Variants in CFAP45 observed in about 807,000 individuals in gnomAD.
CFAP45 encodes the protein cilia and flagella associated protein 45.
Under a neutral mutation model 75.6 loss-of-function variants are expected in CFAP45, and 43 were observed. The ratio of observed to expected loss-of-function variants is 0.57; its 90% confidence interval spans 0.45 to 0.73. The LOEUF (loss-of-function observed/expected upper bound fraction) is 0.73, where lower values mean the gene tolerates loss of function less well. Among genes scored for constraint, CFAP45 ranks in the 30% least tolerant of loss-of-function variants. CFAP45 has a pLI of 0.00. For synonymous variants in CFAP45, 223 were observed against 244.6 expected, an observed-to-expected ratio of 0.91 and a Z score of 0.82; for missense variants, 689 against 701.5, an observed-to-expected ratio of 0.98 and a Z score of 0.20.
intron 5 of CFAP45, among the ~76,000 whole-genome samples, chr1:159,886,943 A>T (rs114423553): frequency 0.036 from 5,539 of 152,300 alleles, 148 homozygotes; most frequent in Middle Eastern, 0.095. Context: ...AGGGAGCTAC[A>T]TCTTAGGGTT....
intron 2 of CFAP45, among the ~76,000 whole-genome samples, chr1:159,891,001 C>T (rs924323708): frequency 6.6e-6 from 1 of 152,104 alleles, no homozygotes; most frequent in Admixed American, 6.5e-5. Context: ...TCAGATGATC[C>T]GCCCGCCTGG....
chr1:159,891,793 T>C (rs1379653031), intron 2 of CFAP45, among the ~76,000 whole-genome samples: 4 of 152,110 alleles, frequency 2.6e-5, no homozygotes, highest in Non-Finnish European at 4.4e-5. Flanking sequence ...CTACTGCCCA[T>C]TGAGAGACTT....
chr1:159,873,528 T>C (rs1649328693), intron 10 of CFAP45: 1 of 273,462 alleles, frequency 3.7e-6, no homozygotes, highest in Admixed American at 4.9e-5. Flanking sequence ...TGGAATGCAG[T>C]GGTGCTATCA....
chr1:159,887,693 C>T (rs1428102776), intron 5 of CFAP45, 148 bp downstream of exon 5: 1 of 791,224 alleles, frequency 1.3e-6, no homozygotes, highest in South Asian at 1.8e-5. Flanking sequence ...ACTGTGATCA[C>T]TGCAACTACC....
At position 159,881,815 on chromosome 1, in the gene CFAP45, G is replaced by A. The variant is rs574681103; in HGVS notation, c.898-1115C>T. 8.5e-5 allele frequency among the ~76,000 whole-genome samples: 13 copies of A among 152,238 alleles called. No homozygotes were observed. The South Asian group carries it at 1.9e-3, about 22-fold the overall frequency. On this transcript the variant is annotated intron_variant, in intron 7 of 11. Transcript: ENST00000368099. ...ACATTCTCAGGTGCAGAGGGGCATC[G>A]GAATTAGGGGAACAGCTGGCCCCCC...
intron 10 of CFAP45, 109 bp downstream of exon 10, chr1:159,876,447 A>G: frequency 5.0e-6 from 4 of 796,338 alleles, no homozygotes; most frequent in Non-Finnish European, 6.4e-6. Flanking sequence ...CAACCCAGAC[A>G]AGATCGACGA....
At chr1:159,887,297 T>G (rs1463747512) in intron 5 of CFAP45, among the ~76,000 whole-genome samples, 2 of 152,056 alleles carry the variant, frequency 1.3e-5, no homozygotes, top group East Asian at 3.9e-4. Flanking sequence ...AAATCAGAGG[T>G]GCAGGGATTG....
chr1:159,888,892 T>A (rs1477317500), intron 3 of CFAP45, among the ~76,000 whole-genome samples: 1 of 152,120 alleles, frequency 6.6e-6, no homozygotes, highest in Non-Finnish European at 1.5e-5. Flanking sequence ...CTGTTTCCTT[T>A]ATGAGCTCCT....
intron 8 of CFAP45, among the ~76,000 whole-genome samples, chr1:159,878,121 G>C (rs1460845573): frequency 6.6e-6 from 1 of 152,110 alleles, no homozygotes; most frequent in South Asian, 2.1e-4. Context: ...TTGAACACAG[G>C]TACCCTGACC....
In CFAP45 at chr1:159,876,550, T is replaced by A. The variant is rs1363906155; in HGVS notation, c.1352+6A>T. 6.2e-7 allele frequency: 1 copy of A among 1,604,260 alleles called. No individual in the cohort carries two copies. The highest frequency in any genetic ancestry group is 1.7e-5 in the Admixed American group (1 of 59,990). ...AAGGAATCCAAGGTTCCCAGGCCCC[T>A]CCTACCGAAGAATCCTCTCGAACTC... On this transcript the variant is annotated splice_donor_region_variant and intron_variant, in intron 10 of 11. Coordinates refer to ENST00000368099, the MANE Select transcript of CFAP45 (RefSeq NM_012337.3).
In CFAP45 at chr1:159,876,581, G is replaced by A. The variant is rs1026999934; in HGVS notation, c.1327C>T (p.Arg443Trp). The part of the protein sequence containing the change: ...HALAVQVQRD[R>W]DEFERILRAQ... ...CGAAGAATCCTCTCGAACTCATCCC[G>A]GTCCCGTTGCACCTGAACAGCCAGA... The change falls in exon 10 of 12, where the codon CGG becomes TGG. Residue 443 changes from arginine to tryptophan, a missense_variant. By Grantham distance (101) the Arg-to-Trp change is moderately radical. Coordinates refer to ENST00000368099, the MANE Select transcript of CFAP45 (RefSeq NM_012337.3). 5 of 1,613,796 alleles carry A rather than the reference G, an allele frequency of 3.1e-6. No homozygotes were observed. The highest frequency in any genetic ancestry group is 1.3e-5 in the African/African-American group (1 of 74,890).
At chr1:159,885,913 A>C (rs192566046) in intron 6 of CFAP45, among the ~76,000 whole-genome samples, 1 of 152,332 alleles carries the variant, frequency 6.6e-6, no homozygotes, top group East Asian at 1.9e-4. Context: ...AACAAAAAAA[A>C]ATTAAGAACT....
rs746918360 is a variant in CFAP45 at position 159,884,539 on chromosome 1, A to T, written c.794T>A (p.Met265Lys). 15 of 1,613,400 alleles carry T rather than the reference A, an allele frequency of 9.3e-6. No homozygotes were observed. Among genetic ancestry groups the T allele is most frequent in the Non-Finnish European group, 1.2e-5 (14 of 1,179,844 alleles). The change falls in exon 7 of 12, where the codon ATG becomes AAG. Residue 265 changes from methionine to lysine, a missense_variant. By Grantham distance (95) the Met-to-Lys change is moderately conservative. Transcript: ENST00000368099. Reference protein sequence around the residue: ...IRGRRQIVEQMEKNQEERSLL... With the variant: ...IRGRRQIVEQKEKNQEERSLL... Reference sequence around the variant, plus strand: ...CGATCGCTCCTCCTGGTTCTTTTCCATCTGTTCCACAATTTGCCGCCTTCC... The same window carrying T: ...CGATCGCTCCTCCTGGTTCTTTTCCTTCTGTTCCACAATTTGCCGCCTTCC...
chr1:159,884,004 G>A (rs2501326), intron 7 of CFAP45, among the ~76,000 whole-genome samples: 149,848 of 152,328 alleles, frequency 0.98, 73,727 homozygotes, highest in Middle Eastern at 1. Context: ...ACAGTTAATG[G>A]CAATGGGATG....
At chr1:159,893,828 T>C (rs187811195) in intron 1 of CFAP45, among the ~76,000 whole-genome samples, 46 of 151,930 alleles carry the variant, frequency 3.0e-4, no homozygotes, top group Non-Finnish European at 3.7e-4. Context: ...GATAGCGCAA[T>C]AGAATGACTA....
chr1:159,882,229 C>T (rs552246786), intron 7 of CFAP45, among the ~76,000 whole-genome samples: 4 of 152,216 alleles, frequency 2.6e-5, no homozygotes, highest in South Asian at 2.1e-4. Flanking sequence ...CCAACTCTCT[C>T]GCTCCTTTTC....
chr1:159,893,564 T>TAGAA (rs1484813475), intron 1 of CFAP45, among the ~76,000 whole-genome samples: 1 of 151,940 alleles, frequency 6.6e-6, no homozygotes, highest in African/African-American at 2.4e-5. Flanking sequence ...GTTGATCTCA[T>TAGAA]AGAAGTACAG....
intron 1 of CFAP45, among the ~76,000 whole-genome samples, chr1:159,899,534 C>T (rs551911261): frequency 7.2e-6 from 1 of 138,942 alleles, no homozygotes; most frequent in Non-Finnish European, 1.5e-5. Flanking sequence ...GTGGCGCGAT[C>T]TCGGCTCACT....
rs138277225 is a variant in CFAP45, at chr1:159,884,257, G to A, written c.897+179C>T. On this transcript the variant is annotated intron_variant, in intron 7 of 11. Coordinates refer to ENST00000368099, the MANE Select transcript of CFAP45 (RefSeq NM_012337.3). ...ATCTATCCAAATCACTGCTCATCCC[G>A]CAGCGTGACACCATGGTGAAATAAA... Among the ~76,000 whole-genome samples the A allele has an allele frequency of 3.3e-3, 501 of 152,248 alleles. 4 individuals are homozygous for A. The highest frequency in any genetic ancestry group is 0.011 in the African/African-American group (477 of 41,540).
Sources: allele counts gnomAD v4.1 joint callset (sites outside exome capture counted in the v4.1 genomes callset), GRCh38; gene constraint gnomAD v4.1.1; transcripts MANE v1.5; gene names NCBI Gene and HGNC (gene_info 2026-07-23, HGNC 2026-07-21).